ANGPT4: variants seen among roughly 807,000 people sequenced by gnomAD.
ANGPT4 encodes the protein angiopoietin-4.
ANGPT4 carries 50 observed loss-of-function variants against 53.0 expected under a neutral mutation model. The observed-to-expected ratio is 0.94, with a 90% confidence interval of 0.75 to 1.20. ANGPT4 has a LOEUF of 1.20. ANGPT4 is among the 50% of genes most tolerant of loss of function. The probability of loss-of-function intolerance (pLI) is 0.00; values close to 1 mark genes in which losing one functional copy is unlikely to be tolerated. For missense variants in ANGPT4, 648 were observed against 637.1 expected (o/e 1.02, Z -0.18); for synonymous variants, 251 against 259.7 (o/e 0.97, Z 0.32).
chr20:890,584 G>T (rs1263401976), intron 1 of ANGPT4, among the ~76,000 whole-genome samples: 1 of 152,096 alleles, frequency 6.6e-6, no homozygotes, highest in Non-Finnish European at 1.5e-5. Flanking sequence ...CTGCCTCTCT[G>T]CTTCCATCTT....
At chr20:893,368 G>A (rs1477624031) in intron 1 of ANGPT4, among the ~76,000 whole-genome samples, 1 of 152,198 alleles carries the variant, frequency 6.6e-6, no homozygotes, top group Non-Finnish European at 1.5e-5. Flanking sequence ...ACTGGATAAT[G>A]CTATGCCTGA....
intron 1 of ANGPT4, among the ~76,000 whole-genome samples, chr20:915,224 G>C (rs975768226): frequency 1.3e-4 from 19 of 145,680 alleles, no homozygotes; most frequent in South Asian, 4.4e-4. Context: ...CCTTCCAGTG[G>C]CCCCCCCCCC....
At chr20:902,135 G>A (rs536264293) in intron 1 of ANGPT4, among the ~76,000 whole-genome samples, 1 of 152,080 alleles carries the variant, frequency 6.6e-6, no homozygotes, top group Non-Finnish European at 1.5e-5. Flanking sequence ...AGGGGAGGGG[G>A]TTTCAATAGG....
chr20:874,370 C>T lies in ANGPT4; in HGVS notation c.1265G>A (p.Ser422Asn). Reference protein sequence around the residue: ...GYSGSAGRQSSLVLQNTSFST... With the variant: ...GYSGSAGRQSNLVLQNTSFST... ...AAAGCTGGTGTTCTGCAGGACCAGGCTGCTCTGGCGCCCTGCTGAGCCGCT... is the reference window on the plus strand; with the variant it reads ...AAAGCTGGTGTTCTGCAGGACCAGGTTGCTCTGGCGCCCTGCTGAGCCGCT... Residue 422 changes from serine to asparagine, a missense_variant, in exon 8 of 9, where the codon AGC becomes AAC. Physicochemically the swap from Ser to Asn is conservative, Grantham distance 46. Transcript: ENST00000381922. The T allele has an allele frequency of 6.2e-7, 1 of 1,614,100 alleles. No individual in the cohort carries two copies. The highest frequency in any genetic ancestry group is 8.5e-7 in the Non-Finnish European group (1 of 1,180,034).
At position 885,330 on chromosome 20, in the gene ANGPT4, G is replaced by C. The variant is rs984445755; in HGVS notation, c.588-5C>G. 1.9e-6 allele frequency: 3 copies of C among 1,574,800 alleles called. No homozygotes were observed. The highest frequency in any genetic ancestry group is 4.6e-5 in the East Asian group (2 of 43,900). On this transcript the variant is annotated splice_region_variant and splice_polypyrimidine_tract_variant and intron_variant, in intron 3 of 8. Transcript: ENST00000381922. ...TGCAACCGCTTCTCGAGCGCGCTGC[G>C]GGGTAGGGGGCGCACAGAGGTGAGC...
At chr20:909,486 C>T (rs908578366) in intron 1 of ANGPT4, among the ~76,000 whole-genome samples, 1 of 152,128 alleles carries the variant, frequency 6.6e-6, no homozygotes. Context: ...GTTGAGGGAA[C>T]AAAAGGAAAC....
chr20:878,711 T>C (rs577709363), intron 6 of ANGPT4, among the ~76,000 whole-genome samples: 1 of 152,284 alleles, frequency 6.6e-6, no homozygotes, highest in East Asian at 1.9e-4. Context: ...TAAATACATA[T>C]CTAAAGGCTC....
rs1211537139 is a variant in ANGPT4, at chr20:914,457, A to G, written c.309+1449T>C. On this transcript the variant is annotated intron_variant, in intron 1 of 8. Coordinates refer to ENST00000381922, the MANE Select transcript of ANGPT4 (RefSeq NM_015985.4). The surrounding 1 kb of genome is among the most constrained non-coding windows in gnomAD (Gnocchi z 5.0). The stretch of plus-strand genomic sequence containing the variant: ...CTTGCTTTTATTCGGATGCATGGTT[A>G]GCCCTGGGAGGAGGGAGAGGATGTA... Among the ~76,000 whole-genome samples, 1 of 152,010 alleles carries G rather than the reference A, an allele frequency of 6.6e-6. No individual in the cohort carries two copies. The highest frequency in any genetic ancestry group is 1.5e-5 in the Non-Finnish European group (1 of 68,000).
At chr20:888,588 G>T (rs970999410) in intron 2 of ANGPT4, 149 bp from the exon 3 acceptor site, 35 of 1,338,686 alleles carry the variant, frequency 2.6e-5, no homozygotes, top group Non-Finnish European at 3.5e-5. Context: ...TCACTCACAG[G>T]CCCTGACTTA....
At chr20:912,541 C>T (rs112117046) in intron 1 of ANGPT4, among the ~76,000 whole-genome samples, 1,801 of 152,182 alleles carry the variant, frequency 0.012, 27 homozygotes, top group African/African-American at 0.041. Context: ...CCAGAGCTGA[C>T]GTGCAGCCCC....
chr20:874,531 T>C, intron 7 of ANGPT4, 117 bp from the exon 8 acceptor site: 1 of 1,399,326 alleles, frequency 7.1e-7, no homozygotes, highest in Non-Finnish European at 9.7e-7. Flanking sequence ...CCAGGTGTTC[T>C]TGGAGGGACA....
chr20:872,274 G>GGT lies in ANGPT4; in HGVS notation c.*684_*685dup, dbSNP rs1470111412. The GGT allele has an allele frequency of 6.6e-6, 1 of 152,192 alleles. No homozygotes were observed. Among genetic ancestry groups the GGT allele is most frequent in the Non-Finnish European group, 1.5e-5 (1 of 68,042 alleles). 9.4% of individuals were successfully genotyped at this position (152,192 alleles called of 1,614,324 possible). ...GACACATCCTCTAGGACATGCTGGA[G>GGT]GTGAAGGAGCATGTCCTTTTGGGTC... On this transcript the variant is annotated 3_prime_UTR_variant, in exon 9 of 9. Coordinates refer to ENST00000381922, the MANE Select transcript of ANGPT4 (RefSeq NM_015985.4).
At chr20:879,267 C>A (rs1461736744) in intron 6 of ANGPT4, among the ~76,000 whole-genome samples, 7 of 152,102 alleles carry the variant, frequency 4.6e-5, no homozygotes. Flanking sequence ...GGCAAAAAAT[C>A]CTTTATTCAA....
chr20:878,131 C>G (rs759177156), intron 7 of ANGPT4, 30 bp downstream of exon 7: 1 of 1,568,282 alleles, frequency 6.4e-7, no homozygotes, highest in Admixed American at 1.7e-5. Context: ...AAGACCCCAG[C>G]CCCCACAACG....
intron 1 of ANGPT4, among the ~76,000 whole-genome samples, chr20:898,900 A>G (rs1982161648): frequency 6.6e-6 from 1 of 151,982 alleles, no homozygotes; most frequent in African/African-American, 2.4e-5. Context: ...TCTTTGCGGG[A>G]CCCCACTGGA....
intron 1 of ANGPT4, among the ~76,000 whole-genome samples, chr20:895,279 A>G (rs1982000721): frequency 6.6e-6 from 1 of 152,192 alleles, no homozygotes; most frequent in African/African-American, 2.4e-5. Context: ...CCGAATTCTC[A>G]GGCCTATGAT....
chr20:876,492 G>A (rs1242360465), intron 7 of ANGPT4, among the ~76,000 whole-genome samples: 1 of 152,224 alleles, frequency 6.6e-6, no homozygotes, highest in East Asian at 1.9e-4. Flanking sequence ...GCTGCCACGA[G>A]ACAGTGATCG....
intron 1 of ANGPT4, among the ~76,000 whole-genome samples, chr20:895,828 A>C (rs1485901907): frequency 6.7e-6 from 1 of 150,240 alleles, no homozygotes; most frequent in East Asian, 2.0e-4. Flanking sequence ...TCCATACTGT[A>C]GGAGTCTATT....
In ANGPT4 at chr20:914,437, T is replaced by A. The variant is rs1395945890; in HGVS notation, c.309+1469A>T. Among the ~76,000 whole-genome samples, 1 of 151,982 alleles carries A rather than the reference T, an allele frequency of 6.6e-6. No individual in the cohort carries two copies. Among genetic ancestry groups the A allele is most frequent in the Non-Finnish European group, 1.5e-5 (1 of 67,986 alleles). The stretch of plus-strand genomic sequence containing the variant: ...AACTCCAGGGAGTAAGGGTTCTTGC[T>A]TTTATTCGGATGCATGGTTAGCCCT... On this transcript the variant is annotated intron_variant, in intron 1 of 8. Coordinates refer to ENST00000381922, the MANE Select transcript of ANGPT4 (RefSeq NM_015985.4). This position sits in a 1 kb window ranked among gnomAD's most constrained non-coding sequence, Gnocchi z 5.0.
Sources: gnomAD v4.1 joint callset for allele counts (sites outside exome capture counted in the v4.1 genomes callset) on GRCh38, gnomAD v4.1.1 for gene constraint, Gnocchi (gnomAD v3.1) non-coding constraint, MANE v1.5 for transcripts, NCBI Gene and HGNC (gene_info 2026-07-23, HGNC 2026-07-21) for gene names.